The following CNTN4 variants were observed in gnomAD, a reference collection of about 807,000 sequenced individuals.
CNTN4 encodes contactin 4, also known as contactin-4.
Under a neutral mutation model 122.5 loss-of-function variants are expected in CNTN4, and 77 were observed. That is an observed-to-expected ratio of 0.63 (90% CI 0.52 to 0.76). CNTN4 has a LOEUF of 0.76. CNTN4 is among the 30% of genes least tolerant of loss of function. The pLI is 0.00. For synonymous variants in CNTN4, 512 were observed against 447.0 expected (o/e 1.15, Z -1.83); for missense variants, 1,256 against 1,259.1 (o/e 1.00, Z 0.04).
chr3:2,823,702 A>G (rs566446973), intron 7 of CNTN4, among the ~76,000 whole-genome samples: 13 of 152,300 alleles, frequency 8.5e-5, no homozygotes, highest in Admixed American at 3.9e-4. Context: ...CTCTCGTTAA[A>G]TAGGAATAGA....
intron 4 of CNTN4, among the ~76,000 whole-genome samples, chr3:2,712,729 T>C (rs1180446024): frequency 6.6e-6 from 1 of 152,122 alleles, no homozygotes; most frequent in African/African-American, 2.4e-5. Flanking sequence ...GCTTAGAGGA[T>C]TGGTACTTTC....
At position 3,038,928 on chromosome 3, in the gene CNTN4, T is replaced by A. The variant is rs775930439; in HGVS notation, c.2093-5T>A. On this transcript the variant is annotated splice_polypyrimidine_tract_variant and splice_region_variant and intron_variant, in intron 18 of 24. Transcript: ENST00000418658. ...ACATAACTTGTTTTTTGTCTCCTTG[T>A]GCAGTCCCCGAAGTCACACCAGCGA... 1 of 1,614,022 alleles carries A rather than the reference T, an allele frequency of 6.2e-7. No homozygotes were observed. Among genetic ancestry groups the A allele is most frequent in the Middle Eastern group, 1.7e-4 (1 of 6,060 alleles).
intron 2 of CNTN4, among the ~76,000 whole-genome samples, chr3:2,163,570 C>G (rs2036055569): frequency 6.6e-6 from 1 of 151,906 alleles, no homozygotes; most frequent in South Asian, 2.1e-4. Context: ...AGACAACCCG[C>G]AGAATGGGAG....
At chr3:2,768,603 A>G (rs1344628643) in intron 6 of CNTN4, among the ~76,000 whole-genome samples, 1 of 152,174 alleles carries the variant, frequency 6.6e-6, no homozygotes, top group Non-Finnish European at 1.5e-5. Flanking sequence ...CTACTTTATA[A>G]TGGCACTTAG....
intron 2 of CNTN4, among the ~76,000 whole-genome samples, chr3:2,309,761 C>T (rs1000728111): frequency 6.6e-6 from 1 of 152,182 alleles, no homozygotes; most frequent in South Asian, 2.1e-4. Context: ...ATACATTAGA[C>T]ATAGTTTGTG....
chr3:2,119,315 A>G (rs974351016), intron 2 of CNTN4, among the ~76,000 whole-genome samples: 8 of 152,212 alleles, frequency 5.3e-5, no homozygotes, highest in African/African-American at 1.9e-4. Flanking sequence ...CCGTGTATAC[A>G]TCTAGTCCAT....
intron 2 of CNTN4, among the ~76,000 whole-genome samples, chr3:2,273,917 C>T (rs535212630): frequency 9.9e-5 from 15 of 152,082 alleles, no homozygotes; most frequent in South Asian, 6.2e-4. Flanking sequence ...TCTTTGCCTT[C>T]GCTTAATAGA....
intron 2 of CNTN4, among the ~76,000 whole-genome samples, chr3:2,207,023 CTTA>C (rs67921346): frequency 0.064 from 9,672 of 151,742 alleles, 639 homozygotes; most frequent in East Asian, 0.38. Flanking sequence ...AGACTTTCTT[CTTA>C]TTATTATATT....
intron 6 of CNTN4, among the ~76,000 whole-genome samples, chr3:2,803,058 G>A (rs992620621): frequency 3.9e-5 from 6 of 152,100 alleles, no homozygotes; most frequent in African/African-American, 1.2e-4. Context: ...AACAAATAGA[G>A]GTTCCCAAGT....
intron 3 of CNTN4, among the ~76,000 whole-genome samples, chr3:2,438,535 CA>C (rs1004108909): frequency 2.1e-4 from 32 of 151,630 alleles, no homozygotes; most frequent in Non-Finnish European, 1.6e-4. Context: ...ACAACCCCCC[CA>C]AAAAAAACCT....
intron 4 of CNTN4, among the ~76,000 whole-genome samples, chr3:2,710,236 A>T (rs1299929079): frequency 6.6e-6 from 1 of 152,220 alleles, no homozygotes; most frequent in Non-Finnish European, 1.5e-5. Context: ...AGAAAACTCC[A>T]GATAATTTAA....
chr3:2,396,120 G>T (rs1250977544), intron 3 of CNTN4, among the ~76,000 whole-genome samples: 8 of 151,746 alleles, frequency 5.3e-5, no homozygotes, highest in Non-Finnish European at 1.0e-4. Flanking sequence ...GACTTCCCGA[G>T]CTCAGGTGCT....
intron 14 of CNTN4, among the ~76,000 whole-genome samples, chr3:3,020,528 T>TTTCC (rs1196177878): frequency 6.6e-6 from 1 of 152,168 alleles, no homozygotes; most frequent in African/African-American, 2.4e-5. Flanking sequence ...CAGTAGGCTT[T>TTTCC]TTCCAGCCTG....
chr3:2,586,004 A>G (rs181627897), intron 4 of CNTN4, among the ~76,000 whole-genome samples: 114 of 152,150 alleles, frequency 7.5e-4, no homozygotes, highest in Middle Eastern at 3.4e-3. Flanking sequence ...GATAATTACC[A>G]TCCTCCTTCC....
intron 3 of CNTN4, among the ~76,000 whole-genome samples, chr3:2,533,154 T>C (rs2077663126): frequency 6.6e-6 from 1 of 151,910 alleles, no homozygotes; most frequent in Non-Finnish European, 1.5e-5. Flanking sequence ...TTAATTATAC[T>C]TTAAGTTCTA....
chr3:3,001,039 G>A (rs1392652054), intron 14 of CNTN4, among the ~76,000 whole-genome samples: 1 of 152,102 alleles, frequency 6.6e-6, no homozygotes, highest in Admixed American at 6.5e-5. Flanking sequence ...TTAATCATAT[G>A]TTGGGATTTG....
At chr3:2,971,397 T>C (rs140152777) in intron 13 of CNTN4, among the ~76,000 whole-genome samples, 1 of 152,296 alleles carries the variant, frequency 6.6e-6, no homozygotes, top group Non-Finnish European at 1.5e-5. Flanking sequence ...GCCTTTCTTA[T>C]TGCTCTTTCA....
At chr3:2,424,506 A>G (rs2047741480) in intron 3 of CNTN4, among the ~76,000 whole-genome samples, 1 of 152,106 alleles carries the variant, frequency 6.6e-6, no homozygotes, top group Non-Finnish European at 1.5e-5. Context: ...TGCTATTGTG[A>G]ACAGTGCCGC....
chr3:2,627,384 G>A (rs1021455322), intron 4 of CNTN4, among the ~76,000 whole-genome samples: 1 of 151,744 alleles, frequency 6.6e-6, no homozygotes, highest in Non-Finnish European at 1.5e-5. Flanking sequence ...ATTTTTCTTA[G>A]ACAAGTTGAC....
Sources: gnomAD v4.1 joint callset for allele counts (sites outside exome capture counted in the v4.1 genomes callset) on GRCh38, gnomAD v4.1.1 for gene constraint, MANE v1.5 for transcripts, NCBI Gene and HGNC (gene_info 2026-07-23, HGNC 2026-07-21) for gene names.